The following VSTM2B variants were observed in gnomAD, a reference collection of about 807,000 sequenced individuals.
VSTM2B encodes the protein V-set and transmembrane domain containing 2B.
Under a neutral mutation model 24.0 loss-of-function variants are expected in VSTM2B, and 24 were observed. The observed-to-expected ratio is 1.00, with a 90% CI of 0.72 to 1.40. VSTM2B has a LOEUF of 1.40. VSTM2B is among the 40% of genes most tolerant of loss of function. The pLI is 0.00. For synonymous variants in VSTM2B, 226 were observed against 194.4 expected, an observed-to-expected ratio of 1.16 and a Z score of -1.35; for missense variants, 399 against 416.4, an observed-to-expected ratio of 0.96 and a Z score of 0.36.
chr19:29,531,998 T>A (rs1357618908), intron 4 of VSTM2B, among the ~76,000 whole-genome samples: 1 of 152,216 alleles, frequency 6.6e-6, no homozygotes, highest in South Asian at 2.1e-4. Flanking sequence ...GAAGCAGCCC[T>A]TGTCAGCTCA....
intron 4 of VSTM2B, among the ~76,000 whole-genome samples, chr19:29,549,978 A>G (rs1970240990): frequency 6.6e-6 from 1 of 152,264 alleles, no homozygotes; most frequent in South Asian, 2.1e-4. Flanking sequence ...CCAGCCCATT[A>G]AGGCCATGAT....
intron 4 of VSTM2B, among the ~76,000 whole-genome samples, chr19:29,553,401 GCAA>G (rs1184204673): frequency 6.6e-6 from 1 of 152,176 alleles, no homozygotes; most frequent in East Asian, 1.9e-4. Flanking sequence ...CAAACAGAAA[GCAA>G]CAACAACAGC....
chr19:29,555,806 A>G (rs1209959973), intron 4 of VSTM2B, among the ~76,000 whole-genome samples: 1 of 152,196 alleles, frequency 6.6e-6, no homozygotes, highest in Non-Finnish European at 1.5e-5. Flanking sequence ...TAAAAACTCT[A>G]TAAGAAACGA....
intron 4 of VSTM2B, among the ~76,000 whole-genome samples, chr19:29,545,239 G>A (rs2145491477): frequency 6.6e-6 from 1 of 152,224 alleles, no homozygotes; most frequent in African/African-American, 2.4e-5. Context: ...GTAGCCAGGC[G>A]AGAAGAGTTA....
intron 4 of VSTM2B, among the ~76,000 whole-genome samples, chr19:29,545,987 G>A (rs1481119942): frequency 6.6e-6 from 1 of 152,162 alleles, no homozygotes; most frequent in East Asian, 1.9e-4. Context: ...AGGAGCTGCT[G>A]CCCCCGCCCA....
In VSTM2B at chr19:29,526,624, C is replaced by T; in HGVS notation, c.41C>T (p.Pro14Leu). Reference protein sequence around the residue: ...RNRLGALGYLPPLLLHALLLF... With the variant: ...RNRLGALGYLLPLLLHALLLF... ...CGGCTCGGTGCCCTCGGATACCTGC[C>T]GCCTCTGCTGCTGCATGCCCTGCTG... Residue 14 changes from proline (P) to leucine (L), a missense_variant, in exon 1 of 5, where the codon CCG becomes CTG. Physicochemically the swap from Pro to Leu is moderately conservative, Grantham distance 98. Transcript: ENST00000335523. This position sits in a 1 kb window ranked among gnomAD's most constrained non-coding sequence, Gnocchi z 4.1. The T allele has an allele frequency of 6.5e-7, 1 of 1,530,862 alleles. No individual in the cohort carries two copies. The highest frequency in any genetic ancestry group is 1.2e-5 in the South Asian group (1 of 83,026). The allele number at this position is 1,530,862 out of a possible 1,614,324, so 94.8% of individuals were successfully genotyped here. A position where few individuals can be genotyped will look rare whatever the true frequency, so the allele number is the denominator to read the frequency against.
intron 4 of VSTM2B, among the ~76,000 whole-genome samples, chr19:29,532,480 C>T (rs1287210038): frequency 3.3e-5 from 5 of 152,202 alleles, no homozygotes; most frequent in African/African-American, 1.2e-4. Context: ...AGAGAACATC[C>T]TTCTTCCCCC....
At chr19:29,547,846 A>G (rs1970187376) in intron 4 of VSTM2B, among the ~76,000 whole-genome samples, 1 of 151,986 alleles carries the variant, frequency 6.6e-6, no homozygotes. Context: ...CCTGTAGGGA[A>G]CCAGAGCACA....
At chr19:29,535,066 C>G (rs763692143) in intron 4 of VSTM2B, among the ~76,000 whole-genome samples, 1 of 152,170 alleles carries the variant, frequency 6.6e-6, no homozygotes, top group Non-Finnish European at 1.5e-5. Context: ...TCTCATTTGT[C>G]AAGAGACATT....
Position 29,526,615 on chromosome 19 carries a change from G to T in VSTM2B, c.32G>T (p.Gly11Val). Residue 11 changes from glycine (G) to valine (V), a missense_variant, in exon 1 of 5, where the codon GGA becomes GTA. By Grantham distance (109) the Gly-to-Val change is moderately radical (BLOSUM62 -3). Coordinates refer to ENST00000335523, the MANE Select transcript of VSTM2B (RefSeq NM_001146339.2). The surrounding 1 kb of genome is among the most constrained non-coding windows in gnomAD (Gnocchi z 4.1). MEQRNRLGAL[G>V]YLPPLLLHAL... ...CAGCGGAACCGGCTCGGTGCCCTCG[G>T]ATACCTGCCGCCTCTGCTGCTGCAT... 6.5e-7 allele frequency: 1 copy of T among 1,529,892 alleles called. No homozygotes were observed. Among genetic ancestry groups the T allele is most frequent in the Non-Finnish European group, 8.7e-7 (1 of 1,143,606 alleles). The allele number at this position is 1,529,892 out of a possible 1,614,324, so 94.8% of individuals were successfully genotyped here. A position where few individuals can be genotyped will look rare whatever the true frequency, so the allele number is the denominator to read the frequency against.
rs932586671 is a variant in VSTM2B at position 29,528,561 on chromosome 19, G to C, written c.297+99G>C. On this transcript the variant is annotated intron_variant, in intron 3 of 4. Coordinates refer to ENST00000335523, the MANE Select transcript of VSTM2B (RefSeq NM_001146339.2). ...GCAAGCCGCGGCGGCCGCGCATGTG[G>C]GGCCGCGCAAGTAGGGCAGCGATCG... The C allele has an allele frequency of 2.8e-6, 4 of 1,437,120 alleles. No homozygotes were observed. The East Asian group carries it at 1.0e-4, about 36-fold the overall frequency. 89.0% of individuals were successfully genotyped at this position (1,437,120 alleles called of 1,614,324 possible).
At chr19:29,527,704 C>T (rs2145455747) in intron 2 of VSTM2B, among the ~76,000 whole-genome samples, 1 of 152,320 alleles carries the variant, frequency 6.6e-6, no homozygotes, top group Admixed American at 6.5e-5. Context: ...CTGATGGGTG[C>T]TGGGTAGTGA....
At chr19:29,547,806 T>TA (rs1444577502) in intron 4 of VSTM2B, among the ~76,000 whole-genome samples, 2 of 151,966 alleles carry the variant, frequency 1.3e-5, no homozygotes, top group Non-Finnish European at 2.9e-5. Context: ...AGTAGGGGGC[T>TA]AGTCGTTCTG....
chr19:29,528,316 C>T, intron 2 of VSTM2B, 117 bp from the exon 3 acceptor site: 2 of 1,290,172 alleles, frequency 1.6e-6, no homozygotes, highest in Non-Finnish European at 2.2e-6. Flanking sequence ...CCCCATCCCC[C>T]GGGCGGTTTC....
At chr19:29,542,060 A>AT (rs199686016) in intron 4 of VSTM2B, among the ~76,000 whole-genome samples, 2,807 of 145,440 alleles carry the variant, frequency 0.019, 50 homozygotes, top group Non-Finnish European at 0.028. Flanking sequence ...GAACGAATGG[A>AT]TGGGTAGAAG....
chr19:29,559,931 AGTTGG>A (rs1475002070), intron 4 of VSTM2B, among the ~76,000 whole-genome samples: 1 of 152,162 alleles, frequency 6.6e-6, no homozygotes, highest in Non-Finnish European at 1.5e-5. Flanking sequence ...GGCTGGGCTC[AGTTGG>A]GCGATTCTTC....
chr19:29,552,402 C>T (rs936705281), intron 4 of VSTM2B, among the ~76,000 whole-genome samples: 5 of 152,190 alleles, frequency 3.3e-5, no homozygotes, highest in Admixed American at 6.5e-5. Context: ...GTACTGACGT[C>T]GTTGGCAAGA....
intron 4 of VSTM2B, among the ~76,000 whole-genome samples, chr19:29,558,097 G>GTA (rs906734425): frequency 9.2e-5 from 14 of 151,788 alleles, no homozygotes; most frequent in South Asian, 4.2e-4. Flanking sequence ...GTATATATAT[G>GTA]TATATATATA....
In VSTM2B at chr19:29,538,776, C is replaced by G. The variant is rs962114117; in HGVS notation, c.769+8486C>G. On this transcript the variant is annotated intron_variant, in intron 4 of 4. Transcript: ENST00000335523. ...TGTGCCAGGCTCTTTAAACAACCAGCTGTCATGTGAAGTAACAGAGTAGGA... is the reference window on the plus strand; with the variant it reads ...TGTGCCAGGCTCTTTAAACAACCAGGTGTCATGTGAAGTAACAGAGTAGGA... Among the ~76,000 whole-genome samples the G allele has an allele frequency of 3.9e-5, 6 of 152,248 alleles. No individual in the cohort carries two copies. The East Asian group carries it at 1.2e-3, about 29-fold the overall frequency.
Sources: gnomAD v4.1 joint callset for allele counts (sites outside exome capture counted in the v4.1 genomes callset) on GRCh38, gnomAD v4.1.1 for gene constraint, Gnocchi (gnomAD v3.1) non-coding constraint, MANE v1.5 for transcripts, NCBI Gene and HGNC (gene_info 2026-07-23, HGNC 2026-07-21) for gene names.